Variants in ABCA4 observed in about 807,000 individuals in gnomAD.
The protein encoded by ABCA4 is retinal-specific phospholipid-transporting ATPase ABCA4.
ABCA4 carries 196 observed loss-of-function variants against 263.7 expected under a neutral mutation model. The observed-to-expected ratio is 0.74, with a 90% CI of 0.66 to 0.84. ABCA4 has a LOEUF of 0.84. ABCA4 is among the 40% of genes least tolerant of loss of function. The pLI is 0.00. For missense variants in ABCA4, 2,792 were observed against 2,855.1 expected, an observed-to-expected ratio of 0.98 and a Z score of 0.50; for synonymous variants, 1,133 against 1,094.2, an observed-to-expected ratio of 1.04 and a Z score of -0.70.
chr1:94,011,418 G>C, intron 38 of ABCA4, 33 bp from the exon 39 acceptor site: 1 of 1,605,010 alleles, frequency 6.2e-7, no homozygotes, highest in Non-Finnish European at 8.5e-7. Flanking sequence ...TTGGAAACGG[G>C]GCAAACCCCA....
chr1:94,014,494 C>G, intron 38 of ABCA4, 49 bp downstream of exon 38: 3 of 1,605,132 alleles, frequency 1.9e-6, no homozygotes, highest in Non-Finnish European at 2.6e-6. Flanking sequence ...CCAACACATA[C>G]TCTACTATCC....
chr1:94,102,859 A>G (rs911035170), intron 5 of ABCA4, among the ~76,000 whole-genome samples, 156 bp downstream of exon 5: 5 of 152,160 alleles, frequency 3.3e-5, no homozygotes, highest in African/African-American at 1.2e-4. Context: ...ATCTCAAGTG[A>G]TCCCCCGGTT....
At chr1:94,037,469 C>T (rs570171889) in intron 24 of ABCA4, 119 bp from the exon 25 acceptor site, 27 of 909,272 alleles carry the variant, frequency 3.0e-5, no homozygotes, top group South Asian at 4.2e-5. Flanking sequence ...TTTTGTATCT[C>T]GGCAGTGACT....
rs1368571528 is a variant in ABCA4, at chr1:94,048,857, C to T, written c.2743+11G>A. ...CTCGCCTCTGCTGTGTATTCTTTAT[C>T]GGGGTTTTACCGTGTATTCCTTCTG... On this transcript the variant is annotated intron_variant, in intron 18 of 49. Coordinates refer to ENST00000370225, the MANE Select transcript of ABCA4 (RefSeq NM_000350.3). 21 of 1,613,632 alleles carry T rather than the reference C, an allele frequency of 1.3e-5. No homozygotes were observed. The highest frequency in any genetic ancestry group is 2.2e-5 in the South Asian group (2 of 91,050).
At chr1:94,022,416 C>T (rs992792384) in intron 32 of ABCA4, among the ~76,000 whole-genome samples, 1 of 152,206 alleles carries the variant, frequency 6.6e-6, no homozygotes, top group African/African-American at 2.4e-5. Flanking sequence ...CTTTTCTGTG[C>T]CACCTCTGTG....
At chr1:94,098,036 C>T (rs1192100299) in intron 6 of ABCA4, among the ~76,000 whole-genome samples, 3 of 152,194 alleles carry the variant, frequency 2.0e-5, no homozygotes, top group East Asian at 1.9e-4. Flanking sequence ...GGATTACAGG[C>T]GTGAGCCACT....
At chr1:94,042,118 A>G (rs995674610) in intron 22 of ABCA4, among the ~76,000 whole-genome samples, 10 of 151,382 alleles carry the variant, frequency 6.6e-5, no homozygotes, top group Non-Finnish European at 1.5e-4. Flanking sequence ...AAAAAAAAAA[A>G]AAGAAAAGAA....
intron 6 of ABCA4, among the ~76,000 whole-genome samples, chr1:94,094,713 G>T (rs1360745679): frequency 6.6e-6 from 1 of 152,138 alleles, no homozygotes; most frequent in Admixed American, 6.5e-5. Context: ...AGATTTCAAA[G>T]CTGTGCACCA....
At chr1:94,109,888 C>T (rs1426487892) in intron 3 of ABCA4, among the ~76,000 whole-genome samples, 1 of 152,188 alleles carries the variant, frequency 6.6e-6, no homozygotes, top group Non-Finnish European at 1.5e-5. Flanking sequence ...GAGTGCAAAA[C>T]ATGAAACCCA....
intron 19 of ABCA4, among the ~76,000 whole-genome samples, chr1:94,046,473 A>AAAAAAAAAAAAAAAAAAAAAAAAG (rs71094277): frequency 5.0e-5 from 6 of 120,742 alleles, no homozygotes; most frequent in Non-Finnish European, 9.0e-5. Flanking sequence ...AAAAAAAAAA[A>AAAAAAAAAAAAAAAAAAAAAAAAG]AAAGAAAAGA....
At chr1:94,117,250 T>C (rs1392202284) in intron 1 of ABCA4, among the ~76,000 whole-genome samples, 1 of 152,078 alleles carries the variant, frequency 6.6e-6, no homozygotes, top group Non-Finnish European at 1.5e-5. Context: ...AGGCCTAAAA[T>C]GAGCCCCATG....
Position 94,036,721 on chromosome 1 carries a change from A to G in ABCA4, c.3862+19T>C. The G allele has an allele frequency of 6.2e-7, 1 of 1,613,748 alleles. No individual in the cohort carries two copies. Among genetic ancestry groups the G allele is most frequent in the Non-Finnish European group, 8.5e-7 (1 of 1,179,622 alleles). On this transcript the variant is annotated intron_variant, in intron 26 of 49. Coordinates refer to ENST00000370225, the MANE Select transcript of ABCA4 (RefSeq NM_000350.3). The stretch of plus-strand genomic sequence containing the variant: ...AGGGAGGCAAGGAAGGGAACAAGCC[A>G]CTGGCTCCAGCACCATACCCGCAAA...
At chr1:93,994,168 G>A (rs1234863671) in intron 49 of ABCA4, among the ~76,000 whole-genome samples, 2 of 152,200 alleles carry the variant, frequency 1.3e-5, no homozygotes, top group African/African-American at 4.8e-5. Context: ...ATTTGGGAAT[G>A]CACATGCGAT....
intron 36 of ABCA4, among the ~76,000 whole-genome samples, chr1:94,016,912 T>C (rs539238994): frequency 1.6e-4 from 25 of 152,196 alleles, no homozygotes; most frequent in African/African-American, 6.0e-4. Flanking sequence ...AATGGAAGGA[T>C]GAGCCTGGAA....
chr1:94,101,659 T>C (rs940269914), intron 5 of ABCA4, among the ~76,000 whole-genome samples: 2 of 152,182 alleles, frequency 1.3e-5, no homozygotes, highest in Non-Finnish European at 2.9e-5. Flanking sequence ...TGTTTATGTC[T>C]CGTTCTCTCC....
intron 4 of ABCA4, among the ~76,000 whole-genome samples, chr1:94,106,698 C>T (rs749312921): frequency 7.2e-5 from 11 of 152,166 alleles, no homozygotes; most frequent in South Asian, 4.1e-4. Context: ...ACAATGAGAA[C>T]GTAATTCAGC....
intron 11 of ABCA4, among the ~76,000 whole-genome samples, chr1:94,064,213 A>G (rs2101080683): frequency 6.6e-6 from 1 of 152,304 alleles, no homozygotes; most frequent in African/African-American, 2.4e-5. Context: ...AGCCTGGTCG[A>G]CTCTAGGAAT....
At chr1:94,032,142 CATTTAAGTCAGCAATGAAA>C in intron 26 of ABCA4, 99 bp from the exon 27 acceptor site, 1 of 1,441,320 alleles carries the variant, frequency 6.9e-7, no homozygotes, top group Non-Finnish European at 9.6e-7. Flanking sequence ...TTTTCCTCTT[CATTTAAGTCAGCAATGAAA>C]TACCAGGCTG....
At chr1:94,025,285 C>T (rs1192922829) in intron 30 of ABCA4, among the ~76,000 whole-genome samples, 6 of 152,180 alleles carry the variant, frequency 3.9e-5, no homozygotes, top group Non-Finnish European at 5.9e-5. Flanking sequence ...AACAAATCTC[C>T]AATCCATCTG....
Sources: allele counts gnomAD v4.1 joint callset (sites outside exome capture counted in the v4.1 genomes callset), GRCh38; gene constraint gnomAD v4.1.1; transcripts MANE v1.5; gene names NCBI Gene and HGNC (gene_info 2026-07-23, HGNC 2026-07-21).